TLE1: variants seen among roughly 807,000 people sequenced by gnomAD.
The protein encoded by TLE1 is transducin-like enhancer protein 1.
A neutral mutation model predicts 89.8 loss-of-function variants in TLE1; 21 were observed. The ratio of observed to expected loss-of-function variants is 0.23; its 90% confidence interval spans 0.17 to 0.34. TLE1 has a LOEUF of 0.34. Among genes scored for constraint, TLE1 ranks in the 10% least tolerant of loss-of-function variants. TLE1 has a pLI of 1.00. For synonymous variants in TLE1, 447 were observed against 407.6 expected (o/e 1.10, Z -1.16); for missense variants, 795 against 1,031.2 (o/e 0.77, Z 3.14).
chr9:81,684,084 C>T (rs1242958514), intron 4 of TLE1, among the ~76,000 whole-genome samples: 1 of 151,504 alleles, frequency 6.6e-6, no homozygotes, highest in African/African-American at 2.4e-5. Flanking sequence ...TAAGAAAAAG[C>T]TCAGTCTCCT....
intron 4 of TLE1, among the ~76,000 whole-genome samples, chr9:81,684,880 G>T (rs746852099): frequency 4.6e-5 from 7 of 152,184 alleles, no homozygotes; most frequent in Non-Finnish European, 1.0e-4. Flanking sequence ...TCAATCGAGG[G>T]TCCTTTGGGC....
At chr9:81,685,036 T>G (rs1390614871) in intron 4 of TLE1, among the ~76,000 whole-genome samples, 2 of 152,214 alleles carry the variant, frequency 1.3e-5, no homozygotes, top group Non-Finnish European at 2.9e-5. Context: ...AGCTTTCCAG[T>G]CACTAATCTT....
At chr9:81,641,101 G>A (rs1564011986) in intron 6 of TLE1, among the ~76,000 whole-genome samples, 1 of 152,090 alleles carries the variant, frequency 6.6e-6, no homozygotes, top group Non-Finnish European at 1.5e-5. Context: ...GGACAAAAAC[G>A]TGAAAAAGAG....
At chr9:81,584,327 A>C (rs746993989) in intron 19 of TLE1, 22 bp from the exon 20 acceptor site, 9 of 1,611,528 alleles carry the variant, frequency 5.6e-6, no homozygotes, top group Non-Finnish European at 7.6e-6. Context: ...AACAATGGAC[A>C]TGTGTTTAAT....
At chr9:81,613,642 A>G (rs1824003924) in intron 11 of TLE1, 121 bp from the exon 12 acceptor site, 2 of 1,117,438 alleles carry the variant, frequency 1.8e-6, no homozygotes, top group South Asian at 3.0e-5. Flanking sequence ...CAATTTTCAT[A>G]AATCCACACA....
At chr9:81,627,704 C>A (rs1353669504) in intron 8 of TLE1, among the ~76,000 whole-genome samples, 2 of 152,296 alleles carry the variant, frequency 1.3e-5, no homozygotes, top group Middle Eastern at 6.8e-3. Context: ...AATCTCTTAA[C>A]ATGTCAGGTC....
intron 4 of TLE1, among the ~76,000 whole-genome samples, chr9:81,683,778 T>C (rs1833913233): frequency 6.6e-6 from 1 of 152,130 alleles, no homozygotes; most frequent in African/African-American, 2.4e-5. Context: ...ACACAGCATA[T>C]TATTAATGCA....
intron 8 of TLE1, among the ~76,000 whole-genome samples, chr9:81,632,170 T>C (rs1020660071): frequency 2.0e-5 from 3 of 152,138 alleles, no homozygotes; most frequent in African/African-American, 7.2e-5. Flanking sequence ...CCAGTTTACT[T>C]ATCTGTACTC....
At chr9:81,674,845 A>T (rs1425031649) in intron 4 of TLE1, among the ~76,000 whole-genome samples, 2 of 152,188 alleles carry the variant, frequency 1.3e-5, no homozygotes, top group Non-Finnish European at 2.9e-5. Flanking sequence ...AAAACAGGTG[A>T]AGACAGAATT....
Position 81,631,972 on chromosome 9 carries a change from C to G in TLE1, c.594+1376G>C, listed in dbSNP as rs961788739. ...ACAAAATTAGCCAGGTGTGGTGGCA[C>G]AGGCCTGTAATCCCAGCTGAGGCAG... is the stretch of plus-strand genomic sequence containing the variant. On this transcript the variant is annotated intron_variant, in intron 8 of 19. Transcript: ENST00000376499. Among the ~76,000 whole-genome samples the G allele has an allele frequency of 3.9e-5, 6 of 152,228 alleles. No homozygotes were observed. The South Asian group carries it at 1.2e-3, about 32-fold the overall frequency.
At chr9:81,629,715 CAT>C (rs1314053059) in intron 8 of TLE1, among the ~76,000 whole-genome samples, 3 of 152,232 alleles carry the variant, frequency 2.0e-5, no homozygotes, top group South Asian at 2.1e-4. Context: ...CAAACCTGTA[CAT>C]GTTACTGTCC....
At chr9:81,633,489 A>G in intron 7 of TLE1, 125 bp from the exon 8 acceptor site, 1 of 1,376,994 alleles carries the variant, frequency 7.3e-7, no homozygotes, top group Non-Finnish European at 1.0e-6. Context: ...AATGGCTTTT[A>G]TTTATATAAG....
chr9:81,633,400 C>A (rs1426318487), intron 7 of TLE1, 36 bp from the exon 8 acceptor site: 1 of 1,613,426 alleles, frequency 6.2e-7, no homozygotes, highest in African/African-American at 1.3e-5. Context: ...CACAGACATG[C>A]CCGTTCAGAC....
chr9:81,668,439 T>C (rs1392032432), intron 4 of TLE1, among the ~76,000 whole-genome samples: 1 of 152,140 alleles, frequency 6.6e-6, no homozygotes, highest in Non-Finnish European at 1.5e-5. Flanking sequence ...CCATGGTGTA[T>C]GGATTCACAG....
chr9:81,617,436 G>A (rs1217012330), intron 9 of TLE1, among the ~76,000 whole-genome samples: 2 of 152,214 alleles, frequency 1.3e-5, no homozygotes, highest in African/African-American at 2.4e-5. Context: ...AGTGGCTCAC[G>A]CCTGTAATCC....
intron 6 of TLE1, among the ~76,000 whole-genome samples, chr9:81,649,732 G>A (rs1431810387): frequency 6.6e-6 from 1 of 152,096 alleles, no homozygotes; most frequent in African/African-American, 2.4e-5. Flanking sequence ...CTGCTTGTAG[G>A]AACAGACAGT....
At chr9:81,606,776 T>TA (rs199937572) in intron 14 of TLE1, among the ~76,000 whole-genome samples, 93 of 146,026 alleles carry the variant, frequency 6.4e-4, no homozygotes, top group Non-Finnish European at 8.0e-4. Context: ...AAAGTATAAT[T>TA]AAAAAAAAAA....
intron 14 of TLE1, among the ~76,000 whole-genome samples, chr9:81,609,180 G>C (rs1587946338): frequency 6.6e-6 from 1 of 151,516 alleles, no homozygotes; most frequent in Non-Finnish European, 1.5e-5. Flanking sequence ...CGCCACCCAG[G>C]TTCAAGCGAT....
At chr9:81,624,674 T>A (rs1825694514) in intron 8 of TLE1, among the ~76,000 whole-genome samples, 1 of 152,178 alleles carries the variant, frequency 6.6e-6, no homozygotes, top group South Asian at 2.1e-4. Flanking sequence ...AATGTAAATA[T>A]CTGCCAGGAT....
Sources: gnomAD v4.1 joint callset for allele counts (sites outside exome capture counted in the v4.1 genomes callset) on GRCh38, gnomAD v4.1.1 for gene constraint, MANE v1.5 for transcripts, NCBI Gene and HGNC (gene_info 2026-07-23, HGNC 2026-07-21) for gene names.